Variants in ZNF850 observed in about 807,000 individuals in gnomAD.
ZNF850 encodes zinc finger protein 850, also known as putative zinc finger protein ENSP00000330994.
A neutral mutation model predicts 11.9 loss-of-function variants in ZNF850; 2 were observed. The ratio of observed to expected loss-of-function variants is 0.17; its 90% CI spans 0.07 to 0.53. The LOEUF (loss-of-function observed/expected upper bound fraction) is 0.53. Among genes scored for constraint, ZNF850 ranks in the 20% least tolerant of loss-of-function variants. The pLI, the probability that ZNF850 is intolerant of heterozygous loss-of-function variation, is 0.94. For missense variants in ZNF850, 1,014 were observed against 1,316.4 expected, an observed-to-expected ratio of 0.77 and a Z score of 3.55; for synonymous variants, 381 against 443.0, an observed-to-expected ratio of 0.86 and a Z score of 1.76.
Position 36,744,825 on chromosome 19 carries a change from A to G in ZNF850, c.*2942T>C. ...CCTCAACTGACTACAAATTGAGACA[A>G]AAGAATCAATTGAGCCGGGCGGGGT... is the stretch of plus-strand genomic sequence containing the variant. On this transcript the variant is annotated 3_prime_UTR_variant, in exon 5 of 5. Transcript: ENST00000591344. 1 of 152,158 alleles carries G rather than the reference A, an allele frequency of 6.6e-6. No homozygotes were observed. The highest frequency in any genetic ancestry group is 1.9e-4 in the East Asian group (1 of 5,186). The allele number at this position is 152,158 out of a possible 1,614,324, so 9.4% of individuals were successfully genotyped here. A position where few individuals can be genotyped will look rare whatever the true frequency, so the allele number is the denominator to read the frequency against.
At chr19:36,765,497 G>A (rs1487731032) in intron 1 of ZNF850, among the ~76,000 whole-genome samples, 1 of 151,374 alleles carries the variant, frequency 6.6e-6, no homozygotes, top group African/African-American at 2.4e-5. Flanking sequence ...ATTTCCTCAA[G>A]TAAATGTTTT....
intron 1 of ZNF850, among the ~76,000 whole-genome samples, chr19:36,771,495 TTAGGGG>T (rs2040583319): frequency 6.8e-6 from 1 of 146,786 alleles, no homozygotes; most frequent in Non-Finnish European, 1.5e-5. Flanking sequence ...CCGGGACCAA[TTAGGGG>T]CTGAAGTGAA....
intron 1 of ZNF850, among the ~76,000 whole-genome samples, chr19:36,765,669 C>T (rs1421290516): frequency 6.6e-6 from 1 of 150,662 alleles, no homozygotes; most frequent in Non-Finnish European, 1.5e-5. Context: ...ACTGCAACCT[C>T]CTCCTCCTGG....
In ZNF850 at chr19:36,749,383, C is replaced by G. The variant is rs534642798; in HGVS notation, c.1657G>C (p.Ala553Pro). 64 of 1,538,160 alleles carry G rather than the reference C, an allele frequency of 4.2e-5. 1 individual carries two copies. In the South Asian group the frequency reaches 7.6e-4, roughly 18 times the overall value. Residue 553 changes from alanine (A) to proline (P), a missense_variant, in exon 5 of 5, where the codon GCA becomes CCA. Around this residue, in one of 2 missense-constraint regions of ZNF850, gnomAD observed 835 missense variants for 1,022.0 expected, o/e 0.82. Transcript: ENST00000591344. ...TAGGGTTTCTCACCAGTGTGAACTG[C>G]CTGATGTCCAATTAGCCCTGAGCGA... ...TFRSGLIGHQ[A>P]VHTGEKPYDC...
In ZNF850 at chr19:36,747,541, C is replaced by G; in HGVS notation, c.*226G>C. 2.7e-6 allele frequency: 1 copy of G among 376,542 alleles called. No homozygotes were observed. Among genetic ancestry groups the G allele is most frequent in the African/African-American group, 2.1e-5 (1 of 48,314 alleles). 23.3% of individuals were successfully genotyped at this position (376,542 alleles called of 1,614,324 possible). ...GTCCCAGCTACTAGGGAGGCTGAGG[C>G]AGGAGAATGGCATGAACCCAGGAGG... On this transcript the variant is annotated 3_prime_UTR_variant, in exon 5 of 5. Coordinates refer to ENST00000591344, the MANE Select transcript of ZNF850 (RefSeq NM_001193552.2).
rs771885941 is a variant in ZNF850 at position 36,745,326 on chromosome 19, C to T, written c.*2441G>A. 5 of 152,136 alleles carry T rather than the reference C, an allele frequency of 3.3e-5. No individual in the cohort carries two copies. Among genetic ancestry groups the T allele is most frequent in the South Asian group, 2.1e-4 (1 of 4,814 alleles). 9.4% of individuals were successfully genotyped at this position (152,136 alleles called of 1,614,324 possible). The stretch of plus-strand genomic sequence containing the variant: ...AATACAACAATCCGAAGTGCATAGA[C>T]GATGAGGTAAGATTTTTTTCATCAA... On this transcript the variant is annotated 3_prime_UTR_variant, in exon 5 of 5. Transcript: ENST00000591344.
chr19:36,761,957 A>G (rs1375705451), intron 3 of ZNF850, among the ~76,000 whole-genome samples: 3 of 150,744 alleles, frequency 2.0e-5, no homozygotes, highest in African/African-American at 4.9e-5. Flanking sequence ...GAGGCAGGAG[A>G]GTCGCTTGAA....
chr19:36,744,392 TGAGG>T lies in ZNF850; in HGVS notation c.*3371_*3374del, dbSNP rs1337929114. 6.6e-6 allele frequency: 1 copy of T among 151,984 alleles called. No individual in the cohort carries two copies. Among genetic ancestry groups the T allele is most frequent in the East Asian group, 1.9e-4 (1 of 5,150 alleles). 9.4% of individuals were successfully genotyped at this position (151,984 alleles called of 1,614,324 possible). ...CCTGTAATCCCAGCACCTAGGAGGCTGAGGTGCTAGGACCAATTGAGCCCAAGAG... is the reference window on the plus strand; with the variant it reads ...CCTGTAATCCCAGCACCTAGGAGGCTTGCTAGGACCAATTGAGCCCAAGAG... On this transcript the variant is annotated 3_prime_UTR_variant, in exon 5 of 5. Transcript: ENST00000591344.
chr19:36,754,625 A>G (rs1404897470), intron 4 of ZNF850, among the ~76,000 whole-genome samples: 2 of 151,926 alleles, frequency 1.3e-5, no homozygotes, highest in African/African-American at 2.4e-5. Context: ...GCACGATCTC[A>G]GCTCACTGCA....
At chr19:36,762,006 A>G (rs1277403490) in intron 3 of ZNF850, among the ~76,000 whole-genome samples, 2 of 147,278 alleles carry the variant, frequency 1.4e-5, no homozygotes, top group African/African-American at 5.0e-5. Context: ...AGATCATGAC[A>G]TTGCACTCCA....
chr19:36,755,784 G>A (rs541394554), intron 4 of ZNF850, among the ~76,000 whole-genome samples: 17 of 151,246 alleles, frequency 1.1e-4, no homozygotes. Flanking sequence ...GAACCAAAAG[G>A]CTTCAAATAC....
intron 1 of ZNF850, among the ~76,000 whole-genome samples, chr19:36,770,281 C>A (rs989132950): frequency 1.3e-5 from 2 of 152,156 alleles, no homozygotes; most frequent in African/African-American, 4.8e-5. Flanking sequence ...TCAACTTAAT[C>A]CTCAGTCCCC....
intron 1 of ZNF850, among the ~76,000 whole-genome samples, chr19:36,767,332 A>G (rs904083587): frequency 1.3e-5 from 2 of 151,874 alleles, no homozygotes; most frequent in Non-Finnish European, 2.9e-5. Context: ...TGAGGCGGGC[A>G]GATGACTTGA....
In ZNF850 at chr19:36,749,890, G is replaced by A. The variant is rs768245023; in HGVS notation, c.1150C>T (p.Gln384Ter). 6.3e-7 allele frequency: 1 copy of A among 1,580,128 alleles called. No homozygotes were observed. The highest frequency in any genetic ancestry group is 1.3e-5 in the African/African-American group (1 of 74,076). The part of the protein sequence containing the change: ...FTFHSALIRH[Q>*]RIHTGEKPYD... ...GGTTTCTCACCAGTGTGAATTCGCT[G>A]ATGTCGAATTAGAGCTGAGTGAAAA... The change falls in exon 5 of 5, where the codon CAG becomes TAG. Residue 384 changes from glutamine (Q) to a stop codon, truncating the protein, a stop_gained. Coordinates refer to ENST00000591344, the MANE Select transcript of ZNF850 (RefSeq NM_001193552.2). LOFTEE classifies it low-confidence loss of function (END_TRUNC).
chr19:36,753,332 T>C (rs1006664051), intron 4 of ZNF850, among the ~76,000 whole-genome samples: 6 of 133,304 alleles, frequency 4.5e-5, no homozygotes, highest in Non-Finnish European at 6.2e-5. Flanking sequence ...TTCATGGCTC[T>C]AATCCCAACA....
At position 36,750,633 on chromosome 19, in the gene ZNF850, C is replaced by T; in HGVS notation, c.407G>A (p.Arg136Gln). Residue 136 changes from arginine to glutamine, a missense_variant, in exon 5 of 5, where the codon CGA (arginine) becomes CAA (glutamine). Physicochemically the swap from Arg to Gln is conservative, Grantham distance 43. Transcript: ENST00000591344. ...QFQHQDINQE[R>Q]YLEKAIMTYE... Reference sequence around the variant, plus strand: ...AGTCATTATTGCTTTTTCCAAATATCGCTCCTGATTTATATCTTGGTGCTG... The same window carrying T: ...AGTCATTATTGCTTTTTCCAAATATTGCTCCTGATTTATATCTTGGTGCTG... 9 of 1,536,100 alleles carry T rather than the reference C, an allele frequency of 5.9e-6. No homozygotes were observed. Among genetic ancestry groups the T allele is most frequent in the African/African-American group, 2.7e-5 (2 of 73,150 alleles).
chr19:36,763,866 A>C (rs1334810976), intron 1 of ZNF850, among the ~76,000 whole-genome samples: 5 of 151,808 alleles, frequency 3.3e-5, no homozygotes, highest in Non-Finnish European at 5.9e-5. Flanking sequence ...TGAGCCCGGG[A>C]GGTCGAGGAT....
chr19:36,766,223 G>A (rs2040548823), intron 1 of ZNF850, among the ~76,000 whole-genome samples: 1 of 151,202 alleles, frequency 6.6e-6, no homozygotes. Flanking sequence ...GTTGTATGCA[G>A]AAGAATGTTC....
intron 4 of ZNF850, among the ~76,000 whole-genome samples, chr19:36,754,460 T>G (rs959965271): frequency 6.6e-6 from 1 of 152,268 alleles, no homozygotes. Context: ...ATTCTAAATT[T>G]GTAAGCATCC....
Sources: allele counts gnomAD v4.1 joint callset (sites outside exome capture counted in the v4.1 genomes callset), GRCh38; gene constraint gnomAD v4.1.1; regional missense constraint gnomAD v4.1.1; transcripts MANE v1.5; gene names NCBI Gene and HGNC (gene_info 2026-07-23, HGNC 2026-07-21).